Variants in COPG2 observed in about 807,000 individuals in gnomAD.
COPG2 encodes coatomer subunit gamma-2.
A neutral mutation model predicts 46.3 loss-of-function variants in COPG2; 37 were observed. That is an observed-to-expected ratio of 0.80 (90% CI 0.61 to 1.05). COPG2 has a LOEUF of 1.05. Among genes scored for constraint, COPG2 ranks in the 50% least tolerant of loss-of-function variants. The pLI, the probability that COPG2 is intolerant of heterozygous loss-of-function variation, is 0.00. For synonymous variants in COPG2, 159 were observed against 129.7 expected, an observed-to-expected ratio of 1.23 and a Z score of -1.53; for missense variants, 427 against 387.8, an observed-to-expected ratio of 1.10 and a Z score of -0.85.
At chr7:130,558,674 CCAT>C (rs1793668810) in intron 12 of COPG2, among the ~76,000 whole-genome samples, 2 of 152,124 alleles carry the variant, frequency 1.3e-5, no homozygotes, top group Non-Finnish European at 2.9e-5. Context: ...GTGTGCACCA[CCAT>C]GTCTGACTAA....
chr7:130,562,976 ATTT>A, intron 11 of COPG2, among the ~76,000 whole-genome samples: 1 of 152,320 alleles, frequency 6.6e-6, no homozygotes, highest in Non-Finnish European at 1.5e-5. Context: ...TGAGGGTTGA[ATTT>A]TTTATTTTAA....
intron 20 of COPG2, among the ~76,000 whole-genome samples, chr7:130,521,481 C>T (rs1353047754): frequency 6.6e-6 from 1 of 152,124 alleles, no homozygotes; most frequent in Admixed American, 6.5e-5. Context: ...TTAGTGAATA[C>T]ACAGGAGTGA....
intron 9 of COPG2, among the ~76,000 whole-genome samples, chr7:130,604,956 T>C (rs1424746650): frequency 1.3e-5 from 2 of 152,218 alleles, no homozygotes; most frequent in Non-Finnish European, 2.9e-5. Context: ...TGAGGTATAT[T>C]ATGCTATGTT....
intron 5 of COPG2, among the ~76,000 whole-genome samples, chr7:130,619,050 A>AAT (rs1303905419): frequency 6.6e-6 from 1 of 152,096 alleles, no homozygotes; most frequent in Non-Finnish European, 1.5e-5. Flanking sequence ...TATTTCTTTT[A>AAT]ATAGGCAATG....
At chr7:130,513,359 G>GTGTGTATA (rs1282542780) in intron 20 of COPG2, among the ~76,000 whole-genome samples, 2 of 36,662 alleles carry the variant, frequency 5.5e-5, no homozygotes, top group Non-Finnish European at 6.7e-5. Flanking sequence ...GTGTGTGTGT[G>GTGTGTATA]TATATATATA....
At chr7:130,508,436 C>T (rs1016760254) in intron 21 of COPG2, 126 bp downstream of exon 21, 22 of 614,974 alleles carry the variant, frequency 3.6e-5, no homozygotes, top group Non-Finnish European at 6.2e-5. Flanking sequence ...AATTTGTCAT[C>T]TGTTTCAGAA....
intron 5 of COPG2, among the ~76,000 whole-genome samples, chr7:130,619,230 T>C (rs147802813): frequency 1.3e-5 from 2 of 152,278 alleles, no homozygotes; most frequent in East Asian, 1.9e-4. Context: ...ACTTGAAATA[T>C]AGCTAGTGTG....
intron 13 of COPG2, 66 bp downstream of exon 13, chr7:130,554,971 G>GT: frequency 2.5e-6 from 1 of 397,998 alleles, no homozygotes; most frequent in Non-Finnish European, 4.4e-6. Context: ...AAACACTATG[G>GT]TATTTCATGG....
chr7:130,530,825 C>G (rs1799817565), intron 20 of COPG2, among the ~76,000 whole-genome samples: 1 of 151,682 alleles, frequency 6.6e-6, no homozygotes, highest in Admixed American at 6.6e-5. Flanking sequence ...TGGAAGGGAG[C>G]TGGGCAGGAC....
intron 7 of COPG2, among the ~76,000 whole-genome samples, chr7:130,613,221 G>A (rs1443656479): frequency 7.9e-5 from 12 of 152,042 alleles, no homozygotes; most frequent in East Asian, 1.9e-4. Context: ...CCCTGCATGC[G>A]CAGCTCACAA....
chr7:130,653,808 G>C (rs545061585), intron 4 of COPG2, among the ~76,000 whole-genome samples: 2 of 151,944 alleles, frequency 1.3e-5, no homozygotes, highest in African/African-American at 4.8e-5. Flanking sequence ...ACCCATTAAG[G>C]AAAGAAAAGA....
At chr7:130,569,077 T>C (rs1464869139) in intron 9 of COPG2, among the ~76,000 whole-genome samples, 7 of 152,124 alleles carry the variant, frequency 4.6e-5, no homozygotes, top group Non-Finnish European at 1.0e-4. Context: ...AAGTTCATAC[T>C]ACTAAATGCC....
intron 5 of COPG2, among the ~76,000 whole-genome samples, chr7:130,621,532 G>T (rs570931471): frequency 6.6e-6 from 1 of 152,278 alleles, no homozygotes; most frequent in African/African-American, 2.4e-5. Context: ...ATTTACAGCT[G>T]GGCACGGTGC....
intron 20 of COPG2, among the ~76,000 whole-genome samples, chr7:130,543,093 G>GGC (rs1793370223): frequency 6.6e-6 from 1 of 152,192 alleles, no homozygotes; most frequent in South Asian, 2.1e-4. Context: ...AACTGATATG[G>GGC]AAGGCAGTGT....
At chr7:130,528,285 G>A (rs896323318) in intron 20 of COPG2, among the ~76,000 whole-genome samples, 64 of 152,112 alleles carry the variant, frequency 4.2e-4, no homozygotes, top group African/African-American at 1.4e-3. Flanking sequence ...ATTCACAGGC[G>A]CATGTTCCCC....
At chr7:130,509,453 C>T in intron 20 of COPG2, 1 of 379,280 alleles carries the variant, frequency 2.6e-6, no homozygotes, top group East Asian at 7.2e-5. Context: ...CTTATAGGTA[C>T]AAAAAATATT....
chr7:130,629,271 G>A (rs1795178786), intron 5 of COPG2, among the ~76,000 whole-genome samples: 1 of 152,042 alleles, frequency 6.6e-6, no homozygotes, highest in African/African-American at 2.4e-5. Flanking sequence ...TGTGTCCCAT[G>A]TGGTGTTCTT....
chr7:130,563,647 G>A (rs1296326674), intron 10 of COPG2, among the ~76,000 whole-genome samples: 2 of 150,498 alleles, frequency 1.3e-5, no homozygotes, highest in Non-Finnish European at 3.0e-5. Context: ...CCAGCTACTC[G>A]GGAGGCTGAG....
intron 5 of COPG2, among the ~76,000 whole-genome samples, chr7:130,633,635 A>G (rs1461563159): frequency 6.6e-6 from 1 of 152,124 alleles, no homozygotes; most frequent in African/African-American, 2.4e-5. Context: ...TGTCAGATGG[A>G]TAGACTGCAA....
Sources: allele counts gnomAD v4.1 joint callset (sites outside exome capture counted in the v4.1 genomes callset), GRCh38; gene constraint gnomAD v4.1.1; transcripts MANE v1.5; gene names NCBI Gene and HGNC (gene_info 2026-07-23, HGNC 2026-07-21).